The following ALS2 variants were observed in gnomAD, a reference collection of about 807,000 sequenced individuals.
ALS2 encodes alsin.
In ALS2, 117 loss-of-function variants were observed where a neutral mutation model predicts 203.4. The ratio of observed to expected loss-of-function variants is 0.58; its 90% CI spans 0.50 to 0.67. The LOEUF (loss-of-function observed/expected upper bound fraction) is 0.67. Ranked by LOEUF, ALS2 falls within the 30% of genes least tolerant of loss-of-function variation. ALS2 has a pLI of 0.00. For missense variants in ALS2, 1,715 were observed against 1,989.4 expected, an observed-to-expected ratio of 0.86 and a Z score of 2.62; for synonymous variants, 718 against 725.9, an observed-to-expected ratio of 0.99 and a Z score of 0.17.
intron 13 of ALS2, among the ~76,000 whole-genome samples, chr2:201,729,805 C>T (rs543156074): frequency 3.8e-4 from 57 of 148,206 alleles, no homozygotes; most frequent in African/African-American, 1.4e-3. Flanking sequence ...GGCGTGAACC[C>T]GGGAGGCGGA....
rs948813131 is a variant in ALS2 at position 201,705,543 on chromosome 2, T to G, written c.4581-82A>C. The G allele has an allele frequency of 1.5e-5, 16 of 1,050,818 alleles. No individual in the cohort carries two copies. In the Middle Eastern group the frequency reaches 2.3e-3, roughly 150 times the overall value. 65.1% of individuals were successfully genotyped at this position (1,050,818 alleles called of 1,614,324 possible). On this transcript the variant is annotated intron_variant, in intron 29 of 33. Transcript: ENST00000264276. ...CCATAAAAATAGTTGACAGCTATAT[T>G]GGCTTCCTTGTCCCCATTAAAAAGA... is the stretch of plus-strand genomic sequence containing the variant.
intron 13 of ALS2, among the ~76,000 whole-genome samples, chr2:201,733,066 A>G (rs777820820): frequency 6.6e-6 from 1 of 152,226 alleles, no homozygotes; most frequent in Non-Finnish European, 1.5e-5. Flanking sequence ...TCATCTTGAT[A>G]AGGCCCTAAA....
intron 14 of ALS2, 137 bp downstream of exon 14, chr2:201,728,915 G>T (rs757529690): frequency 7.4e-7 from 1 of 1,353,128 alleles, no homozygotes; most frequent in Non-Finnish European, 1.1e-6. Flanking sequence ...CCATTAGTAT[G>T]GTCCTTAGAC....
At chr2:201,704,933 T>A (rs1689611040) in intron 31 of ALS2, among the ~76,000 whole-genome samples, 1 of 152,214 alleles carries the variant, frequency 6.6e-6, no homozygotes, top group South Asian at 2.1e-4. Context: ...GGCTCTCTCC[T>A]ACTTTTGAAA....
intron 1 of ALS2, among the ~76,000 whole-genome samples, chr2:201,772,705 C>T (rs936282664): frequency 3.9e-5 from 6 of 152,088 alleles, no homozygotes; most frequent in Non-Finnish European, 7.4e-5. Context: ...AAACAACTAT[C>T]GTTTTTTAGT....
intron 29 of ALS2, 87 bp from the exon 30 acceptor site, chr2:201,705,548 TC>T (rs1194395479): frequency 1.0e-6 from 1 of 1,000,140 alleles, no homozygotes; most frequent in Admixed American, 2.0e-5. Flanking sequence ...TATATTGGCT[TC>T]CTTGTCCCCA....
In ALS2 at chr2:201,754,623, A is replaced by G; in HGVS notation, c.1520T>C (p.Val507Ala). 6.2e-7 allele frequency: 1 copy of G among 1,614,104 alleles called. No homozygotes were observed. Among genetic ancestry groups the G allele is most frequent in the Non-Finnish European group, 8.5e-7 (1 of 1,180,010 alleles). ...RKAARVKTRT[V>A]VLTPTYSGEA... ...TCCACTGTATGTGGGGGTCAGAACC[A>G]CTGTCCTCGTTTTCACCCGTGCAGC... The change falls in exon 6 of 34, where the codon GTG becomes GCG. Residue 507 changes from valine (V) to alanine (A), a missense_variant. This residue lies in a region of ALS2 where 1,227 missense variants were observed against 1,413.5 expected (regional missense o/e 0.87). Coordinates refer to ENST00000264276, the MANE Select transcript of ALS2 (RefSeq NM_020919.4).
intron 4 of ALS2, 87 bp downstream of exon 4, chr2:201,760,794 A>C: frequency 6.7e-7 from 1 of 1,491,146 alleles, no homozygotes; most frequent in Non-Finnish European, 8.9e-7. Flanking sequence ...AAATGCTACC[A>C]AGCCTTACTC....
intron 7 of ALS2, among the ~76,000 whole-genome samples, chr2:201,749,997 A>G (rs1692931927): frequency 6.6e-6 from 1 of 152,118 alleles, no homozygotes; most frequent in East Asian, 1.9e-4. Flanking sequence ...CTTGGTACAT[A>G]AGAAGACAGA....
At chr2:201,760,044 T>C (rs991799030) in intron 4 of ALS2, 10 of 973,048 alleles carry the variant, frequency 1.0e-5, no homozygotes, top group Non-Finnish European at 1.2e-5. Context: ...TAAAATAGGC[T>C]GGGCATGATG....
intron 31 of ALS2, 84 bp downstream of exon 31, chr2:201,705,055 G>A: frequency 1.5e-6 from 2 of 1,358,722 alleles, no homozygotes; most frequent in South Asian, 2.4e-5. Flanking sequence ...TAAGGCTTAG[G>A]TAAAGATAAG....
chr2:201,713,738 TGTGA>T (rs1358338067), intron 25 of ALS2, among the ~76,000 whole-genome samples: 3 of 145,902 alleles, frequency 2.1e-5, no homozygotes, highest in African/African-American at 7.6e-5. Flanking sequence ...TGATTGCACA[TGTGA>T]GTATTTTATA....
At chr2:201,760,332 T>A (rs1461544871) in intron 4 of ALS2, 1 of 984,642 alleles carries the variant, frequency 1.0e-6, no homozygotes, top group African/African-American at 1.8e-5. Context: ...AACAAAAAGA[T>A]AAAATATTAG....
At chr2:201,703,872 A>G (rs1689530669) in intron 33 of ALS2, among the ~76,000 whole-genome samples, 1 of 152,236 alleles carries the variant, frequency 6.6e-6, no homozygotes, top group Non-Finnish European at 1.5e-5. Flanking sequence ...GTAAACATTT[A>G]TAACAGTTTG....
chr2:201,731,703 G>A (rs1691564522), intron 13 of ALS2, among the ~76,000 whole-genome samples: 1 of 152,148 alleles, frequency 6.6e-6, no homozygotes, highest in African/African-American at 2.4e-5. Context: ...ATGGAATACA[G>A]GCAGGTTTTG....
rs1691702469 is a variant in ALS2, at chr2:201,733,546, T to A, written c.2418-108A>T. On this transcript the variant is annotated intron_variant, in intron 12 of 33. Transcript: ENST00000264276. The stretch of plus-strand genomic sequence containing the variant: ...TACCTCTTTCAGAATGCACATTTTT[T>A]AGGTGCTGTGAAAGTAGAAATACAA... 3 of 953,334 alleles carry A rather than the reference T, an allele frequency of 3.1e-6. No individual in the cohort carries two copies. In the South Asian group the frequency reaches 4.3e-5, roughly 14 times the overall value. 59.1% of individuals were successfully genotyped at this position (953,334 alleles called of 1,614,324 possible). A position where few individuals can be genotyped will look rare whatever the true frequency, so the allele number is the denominator to read the frequency against.
intron 31 of ALS2, among the ~76,000 whole-genome samples, 198 bp from the exon 32 acceptor site, chr2:201,704,801 T>C (rs921078131): frequency 2.0e-5 from 3 of 152,216 alleles, no homozygotes; most frequent in Admixed American, 2.0e-4. Context: ...CTACGATTCA[T>C]ATATTGTTTC....
Position 201,715,684 on chromosome 2 carries a change from T to C in ALS2, c.3992A>G (p.Gln1331Arg). The change falls in exon 25 of 34, where the codon CAG (glutamine) becomes CGG (arginine). Residue 1331 changes from glutamine (Q) to arginine (R), a missense_variant. Transcript: ENST00000264276. Reference protein sequence around the residue: ...IAVALTTSRRQHRDSPEILSR... With the variant: ...IAVALTTSRRRHRDSPEILSR... The stretch of plus-strand genomic sequence containing the variant: ...GGTGTTCACTCACCTGTCTCTGTGC[T>C]GGCGCCGACTGGTGGTCAAGGCCAC... The C allele has an allele frequency of 6.2e-7, 1 of 1,614,232 alleles. No individual in the cohort carries two copies. The highest frequency in any genetic ancestry group is 8.5e-7 in the Non-Finnish European group (1 of 1,180,044).
At chr2:201,737,249 G>A (rs113314016) in intron 12 of ALS2, among the ~76,000 whole-genome samples, 121 of 152,196 alleles carry the variant, frequency 8.0e-4, no homozygotes, top group Non-Finnish European at 1.3e-3. Flanking sequence ...ATGAAAGGAT[G>A]TGCACAGGTT....
Sources: gnomAD v4.1 joint callset for allele counts (sites outside exome capture counted in the v4.1 genomes callset) on GRCh38, gnomAD v4.1.1 for gene constraint, gnomAD v4.1.1 regional missense constraint, MANE v1.5 for transcripts, NCBI Gene and HGNC (gene_info 2026-07-23, HGNC 2026-07-21) for gene names.